EHMT1: variants seen among roughly 807,000 people sequenced by gnomAD.
EHMT1 encodes the protein histone-lysine N-methyltransferase EHMT1.
Under a neutral mutation model 147.2 loss-of-function variants are expected in EHMT1, and 15 were observed. That is an observed-to-expected ratio of 0.10 (90% CI 0.07 to 0.16). The LOEUF (loss-of-function observed/expected upper bound fraction) is 0.16, where lower values mean the gene tolerates loss of function less well. Ranked by LOEUF, EHMT1 falls within the 10% of genes least tolerant of loss-of-function variation. EHMT1 has a pLI of 1.00. For synonymous variants in EHMT1, 795 were observed against 709.6 expected (o/e 1.12, Z -1.91); for missense variants, 1,587 against 1,772.4 (o/e 0.90, Z 1.88).
At chr9:137,641,179 A>G in intron 1 of EHMT1, 2 of 417,290 alleles carry the variant, frequency 4.8e-6, no homozygotes, top group Non-Finnish European at 9.4e-6. Context: ...CAGAATGGCC[A>G]GTAAACCAGG....
chr9:137,669,324 C>A (rs1940138633), intron 1 of EHMT1, among the ~76,000 whole-genome samples: 10 of 142,500 alleles, frequency 7.0e-5, no homozygotes, highest in East Asian at 2.1e-4. Context: ...GAAAGACGCC[C>A]CCACAGCACG....
intron 1 of EHMT1, 23 bp from the exon 2 acceptor site, chr9:137,710,944 C>A: frequency 6.3e-7 from 1 of 1,587,052 alleles, no homozygotes. Flanking sequence ...ACCCGGCTGA[C>A]GGCTGTTGTT....
chr9:137,781,587 C>T (rs569787683), intron 14 of EHMT1, among the ~76,000 whole-genome samples: 5 of 152,260 alleles, frequency 3.3e-5, no homozygotes, highest in Non-Finnish European at 4.4e-5. Flanking sequence ...ACAGGCAAAC[C>T]GATTGCATTA....
At chr9:137,639,831 A>G (rs566231581) in intron 1 of EHMT1, among the ~76,000 whole-genome samples, 2 of 152,166 alleles carry the variant, frequency 1.3e-5, no homozygotes, top group Non-Finnish European at 2.9e-5. Context: ...GACTGCAAGG[A>G]TGTCTGTTGT....
At chr9:137,718,606 G>T (rs1945591840) in intron 3 of EHMT1, among the ~76,000 whole-genome samples, 1 of 151,962 alleles carries the variant, frequency 6.6e-6, no homozygotes, top group Admixed American at 6.6e-5. Flanking sequence ...TGTCCTCCTG[G>T]GCAGTTCTCT....
chr9:137,817,632 G>A lies in EHMT1; in HGVS notation c.3461+107G>A, dbSNP rs529775117. ...CTCTGGGAGCAGGCACATCCCTGGC[G>A]TACAGCAGCGTGGGGTGGGGGCCAC... On this transcript the variant is annotated intron_variant, in intron 24 of 26. Coordinates refer to ENST00000460843, the MANE Select transcript of EHMT1 (RefSeq NM_024757.5). The A allele has an allele frequency of 1.9e-4, 259 of 1,396,334 alleles. 1 individual carries two copies. In the South Asian group the frequency reaches 2.6e-3, roughly 14 times the overall value. 86.5% of individuals were successfully genotyped at this position (1,396,334 alleles called of 1,614,324 possible).
At chr9:137,793,179 A>G (rs6559226) in intron 16 of EHMT1, among the ~76,000 whole-genome samples, 135,703 of 152,312 alleles carry the variant, frequency 0.89, 61,511 homozygotes, top group East Asian at 1. Flanking sequence ...AAATGTATTT[A>G]CAAATTATCT....
chr9:137,799,997 G>A (rs1023415592), intron 17 of EHMT1, among the ~76,000 whole-genome samples: 2 of 152,092 alleles, frequency 1.3e-5, no homozygotes, highest in Non-Finnish European at 1.5e-5. Flanking sequence ...GCTGACTGTC[G>A]ACCGCAGGGG....
chr9:137,686,833 C>G (rs1942488898), intron 1 of EHMT1, among the ~76,000 whole-genome samples: 1 of 150,942 alleles, frequency 6.6e-6, no homozygotes. Context: ...CGGGTTCATG[C>G]CATTCTCCTG....
chr9:137,809,847 G>A (rs1954274913), intron 18 of EHMT1, among the ~76,000 whole-genome samples: 1 of 151,944 alleles, frequency 6.6e-6, no homozygotes. Flanking sequence ...GTCCGGAGGC[G>A]GTTCCGATGC....
At chr9:137,820,841 G>A (rs968473966) in intron 25 of EHMT1, among the ~76,000 whole-genome samples, 11 of 151,768 alleles carry the variant, frequency 7.2e-5, no homozygotes, top group African/African-American at 2.4e-4. Context: ...TTTAATTACT[G>A]TAGTTTACAT....
chr9:137,690,059 A>G (rs762237778), intron 1 of EHMT1, among the ~76,000 whole-genome samples: 55 of 152,224 alleles, frequency 3.6e-4, no homozygotes, highest in Admixed American at 3.2e-3. Flanking sequence ...GGACTGGTGC[A>G]TGATCTGACT....
chr9:137,818,662 C>T (rs1486807279), intron 25 of EHMT1, among the ~76,000 whole-genome samples: 1 of 28,638 alleles, frequency 3.5e-5, no homozygotes, highest in Non-Finnish European at 6.0e-5. Context: ...GTAGAGAGGC[C>T]GACTGAGGGG....
intron 15 of EHMT1, chr9:137,784,035 C>T: frequency 1.4e-6 from 1 of 726,012 alleles, no homozygotes; most frequent in Non-Finnish European, 2.4e-6. Flanking sequence ...TGTCTTAGTC[C>T]ATTTTCTCTA....
chr9:137,764,924 A>G (rs534526111), intron 10 of EHMT1, among the ~76,000 whole-genome samples: 2 of 152,350 alleles, frequency 1.3e-5, no homozygotes, highest in South Asian at 4.1e-4. Flanking sequence ...CATTTGCCTT[A>G]GTTCCTATAG....
At position 137,834,946 on chromosome 9, in the gene EHMT1, C is replaced by G. The variant is rs1043505719; in HGVS notation, c.3890C>G (p.Pro1297Arg). The G allele has an allele frequency of 1.4e-6, 2 of 1,458,934 alleles. No individual in the cohort carries two copies. The highest frequency in any genetic ancestry group is 3.0e-5 in the African/African-American group (2 of 67,606). The allele number at this position is 1,458,934 out of a possible 1,614,324, so 90.4% of individuals were successfully genotyped here. Residue 1297 changes from proline to arginine, a missense_variant, in exon 27 of 27, where the codon CCC becomes CGC. Physicochemically the swap from Pro to Arg is moderately radical, Grantham distance 103. This residue lies in a region of EHMT1 where 141 missense variants were observed against 150.8 expected (regional missense o/e 0.94). Coordinates refer to ENST00000460843, the MANE Select transcript of EHMT1 (RefSeq NM_024757.5). ...PDTSSAAAAD[P>R]L ...ACCAGCTCCGCGGCTGCCGCCGACCCCCTATGAGACGCCGCCGGCCAGCGG... is the reference window on the plus strand; with the variant it reads ...ACCAGCTCCGCGGCTGCCGCCGACCGCCTATGAGACGCCGCCGGCCAGCGG...
intron 1 of EHMT1, among the ~76,000 whole-genome samples, chr9:137,690,477 C>G (rs558932677): frequency 6.7e-6 from 1 of 149,566 alleles, no homozygotes; most frequent in South Asian, 2.1e-4. Flanking sequence ...TCACTGCACT[C>G]CCGCCTGGGT....
At chr9:137,824,594 G>A (rs759800335) in intron 25 of EHMT1, among the ~76,000 whole-genome samples, 9 of 152,060 alleles carry the variant, frequency 5.9e-5, no homozygotes, top group Non-Finnish European at 1.3e-4. Flanking sequence ...GGCCATTATC[G>A]CATTGAGCCT....
At chr9:137,802,819 A>C (rs1953614295) in intron 18 of EHMT1, 1 of 1,231,658 alleles carries the variant, frequency 8.1e-7, no homozygotes, top group Admixed American at 4.2e-5. Context: ...GGGGGTTTCT[A>C]CCTCATTCCA....
Sources: allele counts gnomAD v4.1 joint callset (sites outside exome capture counted in the v4.1 genomes callset), GRCh38; gene constraint gnomAD v4.1.1; regional missense constraint gnomAD v4.1.1; transcripts MANE v1.5; gene names NCBI Gene and HGNC (gene_info 2026-07-23, HGNC 2026-07-21).